Variants in TSBP1 observed in about 807,000 individuals in gnomAD.
TSBP1 encodes testis expressed basic protein 1, also known as testis-expressed basic protein 1.
A neutral mutation model predicts 68.8 loss-of-function variants in TSBP1; 56 were observed. That is an observed-to-expected ratio of 0.81 (90% CI 0.66 to 1.02). The LOEUF (loss-of-function observed/expected upper bound fraction) is 1.02. Ranked by LOEUF, TSBP1 falls within the 50% of genes least tolerant of loss-of-function variation. The pLI, the probability that TSBP1 is intolerant of heterozygous loss-of-function variation, is 0.00. For synonymous variants in TSBP1, 171 were observed against 208.7 expected, an observed-to-expected ratio of 0.82 and a Z score of 1.56; for missense variants, 502 against 641.2, an observed-to-expected ratio of 0.78 and a Z score of 2.34.
Position 32,336,071 on chromosome 6 carries a change from G to A in TSBP1, c.431-139C>T, listed in dbSNP as rs28361060. The A allele has an allele frequency of 0.16, 119,847 of 728,910 alleles. 11,990 individuals carry two copies. Among genetic ancestry groups the A allele is most frequent in the Admixed American group, 0.22 (9,562 of 43,726 alleles). 45.2% of individuals were successfully genotyped at this position (728,910 alleles called of 1,614,324 possible). A position where few individuals can be genotyped will look rare whatever the true frequency, so the allele number is the denominator to read the frequency against. On this transcript the variant is annotated intron_variant, in intron 12 of 22. Coordinates refer to ENST00000612031, the Ensembl canonical transcript of TSBP1. This position sits in a 1 kb window ranked among gnomAD's most constrained non-coding sequence, Gnocchi z 5.2. ...GAAGATCAAGAGTTGCTTGTATGGC[G>A]AGCCTCAGGCAGGCTCCCTGCACAA...
chr6:32,309,685 G>A (rs1381846794), intron 19 of TSBP1, among the ~76,000 whole-genome samples: 1 of 152,162 alleles, frequency 6.6e-6, no homozygotes, highest in Non-Finnish European at 1.5e-5. Context: ...GTAATAATGT[G>A]TAGTAATCAC....
chr6:32,306,645 A>G lies in TSBP1; in HGVS notation c.581-4016T>C, dbSNP rs149414760. ...GGAAGCCAGCAATGTAAAGCATATGAACTTAAGCCTTTATTTTAGGTTGCA... is the reference window on the plus strand; with the variant it reads ...GGAAGCCAGCAATGTAAAGCATATGGACTTAAGCCTTTATTTTAGGTTGCA... On this transcript the variant is annotated intron_variant, in intron 19 of 22. Transcript: ENST00000612031. The surrounding 1 kb of genome is among the most constrained non-coding windows in gnomAD (Gnocchi z 5.1). 3.3e-5 allele frequency among the ~76,000 whole-genome samples: 5 copies of G among 152,342 alleles called. No individual in the cohort carries two copies. The highest frequency in any genetic ancestry group is 1.2e-4 in the African/African-American group (5 of 41,582).
chr6:32,359,331 C>T (rs917452956), intron 6 of TSBP1, among the ~76,000 whole-genome samples: 8 of 152,026 alleles, frequency 5.3e-5, no homozygotes, highest in Admixed American at 3.9e-4. Flanking sequence ...TTTTAATGAT[C>T]GCCATTCTAA....
exon 1 of TSBP1, chr6:32,371,719 G>A: frequency 6.2e-7 from 1 of 1,613,780 alleles, no homozygotes; most frequent in Non-Finnish European, 8.5e-7. Context: ...TCCATGTATT[G>A]TCTTCATCAG....
At chr6:32,351,131 C>T (rs955031445) in intron 8 of TSBP1, among the ~76,000 whole-genome samples, 3 of 152,110 alleles carry the variant, frequency 2.0e-5, no homozygotes, top group African/African-American at 4.8e-5. Context: ...ACTAATACAA[C>T]GTGGTTGACT....
In TSBP1 at chr6:32,302,764, A is replaced by G. The variant is rs1282536248; in HGVS notation, c.581-135T>C. Reference sequence around the variant, plus strand: ...TTCTAGCAGAATACAATGAAATATGATGAGACAACAGATCCCTTAGTGTGT... The same window carrying G: ...TTCTAGCAGAATACAATGAAATATGGTGAGACAACAGATCCCTTAGTGTGT... On this transcript the variant is annotated intron_variant, in intron 19 of 22. Coordinates refer to ENST00000612031, the Ensembl canonical transcript of TSBP1. The surrounding 1 kb of genome is among the most constrained non-coding windows in gnomAD (Gnocchi z 5.1). 14 of 635,156 alleles carry G rather than the reference A, an allele frequency of 2.2e-5. No individual in the cohort carries two copies. Among genetic ancestry groups the G allele is most frequent in the Non-Finnish European group, 3.3e-5 (12 of 360,710 alleles). 39.3% of individuals were successfully genotyped at this position (635,156 alleles called of 1,614,324 possible). A position where few individuals can be genotyped will look rare whatever the true frequency, so the allele number is the denominator to read the frequency against.
intron 10 of TSBP1, 36 bp downstream of exon 11, chr6:32,339,564 A>C: frequency 8.7e-7 from 1 of 1,144,740 alleles, no homozygotes; most frequent in Non-Finnish European, 1.3e-6. Flanking sequence ...AGGTGTCAGT[A>C]AAAAAAGGAC....
intron 22 of TSBP1, among the ~76,000 whole-genome samples, chr6:32,294,459 CTTA>C (rs750794909): frequency 6.6e-6 from 1 of 152,148 alleles, no homozygotes; most frequent in Non-Finnish European, 1.5e-5. Flanking sequence ...AAAAGCATAT[CTTA>C]TTATGCAAAA....
intron 9 of TSBP1, among the ~76,000 whole-genome samples, chr6:32,345,843 A>C (rs778054429): frequency 4.1e-4 from 63 of 152,276 alleles, no homozygotes; most frequent in Admixed American, 7.8e-4. Context: ...TATGAGAATT[A>C]TCTCTCAAGA....
In TSBP1 at chr6:32,306,567, T is replaced by C. The variant is rs1489800731; in HGVS notation, c.581-3938A>G. Among the ~76,000 whole-genome samples, 9 of 152,326 alleles carry C rather than the reference T, an allele frequency of 5.9e-5. No homozygotes were observed. On this transcript the variant is annotated intron_variant, in intron 19 of 22. Transcript: ENST00000612031. The surrounding 1 kb of genome is among the most constrained non-coding windows in gnomAD (Gnocchi z 5.1). ...GCAGCCAAACCTGGGTTTGGTTACT[T>C]ACATTTATGTGTATCAATATTGTAA...
chr6:32,343,373 C>A lies in TSBP1; in HGVS notation c.350-3735G>T. ...TCAGGTTATTAGACTTTCCATTCCC[C>A]TGTAGGTAGGCTCATAAAGTGGCCA... On this transcript the variant is annotated intron_variant, in intron 9 of 22. Transcript: ENST00000612031. The surrounding 1 kb of genome is among the most constrained non-coding windows in gnomAD (Gnocchi z 4.3). 1.9e-6 allele frequency: 1 copy of A among 518,698 alleles called. No individual in the cohort carries two copies. Among genetic ancestry groups the A allele is most frequent in the Non-Finnish European group, 3.2e-6 (1 of 312,450 alleles). 32.1% of individuals were successfully genotyped at this position (518,698 alleles called of 1,614,324 possible).
chr6:32,358,034 AG>A (rs1367204433), intron 6 of TSBP1, among the ~76,000 whole-genome samples: 1 of 152,180 alleles, frequency 6.6e-6, no homozygotes, highest in Non-Finnish European at 1.5e-5. Flanking sequence ...TTGGACAGCC[AG>A]GGAGGGATTT....
intron 6 of TSBP1, among the ~76,000 whole-genome samples, chr6:32,358,934 A>ATTATTATTATTAT (rs1562181079): frequency 5.4e-5 from 7 of 130,734 alleles, no homozygotes; most frequent in South Asian, 2.6e-4. Context: ...TATTATTATT[A>ATTATTATTATTAT]TACTTTAAGT....
At chr6:32,301,709 T>TA (rs5875351) in intron 20 of TSBP1, among the ~76,000 whole-genome samples, 17 of 144,306 alleles carry the variant, frequency 1.2e-4, no homozygotes, top group South Asian at 2.2e-4. Flanking sequence ...AACGCTGTTT[T>TA]AAAAAAAAAA....
intron 22 of TSBP1, among the ~76,000 whole-genome samples, chr6:32,297,617 T>G (rs1764844437): frequency 6.6e-6 from 1 of 152,210 alleles, no homozygotes; most frequent in Admixed American, 6.5e-5. Flanking sequence ...AGGCTATGAA[T>G]TACATTTTAA....
At chr6:32,320,383 T>C (rs565204915) in intron 18 of TSBP1, among the ~76,000 whole-genome samples, 34 of 152,256 alleles carry the variant, frequency 2.2e-4, no homozygotes, top group African/African-American at 7.7e-4. Context: ...TTGGCTTCTG[T>C]GCATGGGGAG....
Position 32,336,722 on chromosome 6 carries a change from A to G in TSBP1, c.410-87T>C, listed in dbSNP as rs143556382. 0.015 allele frequency: 18,827 copies of G among 1,258,986 alleles called. 195 individuals carry two copies. Among genetic ancestry groups the G allele is most frequent in the Non-Finnish European group, 0.016 (13,851 of 867,878 alleles). 78.0% of individuals were successfully genotyped at this position (1,258,986 alleles called of 1,614,324 possible). ...TTGTTTCTAAAGAAACTATGAAGCAATTCAACCAGAGGAGAACAACTACTG... is the reference window on the plus strand; with the variant it reads ...TTGTTTCTAAAGAAACTATGAAGCAGTTCAACCAGAGGAGAACAACTACTG... On this transcript the variant is annotated intron_variant, in intron 11 of 22. Coordinates refer to ENST00000612031, the Ensembl canonical transcript of TSBP1. This position sits in a 1 kb window ranked among gnomAD's most constrained non-coding sequence, Gnocchi z 5.2.
chr6:32,355,231 C>A (rs921516033), intron 7 of TSBP1, 87 bp from the exon 8 acceptor site: 2 of 1,370,136 alleles, frequency 1.5e-6, no homozygotes, highest in Admixed American at 1.7e-5. Context: ...GCTGTCACCC[C>A]CTTCTCAGGA....
At chr6:32,313,834 A>G (rs1766670060) in intron 19 of TSBP1, among the ~76,000 whole-genome samples, 1 of 152,042 alleles carries the variant, frequency 6.6e-6, no homozygotes, top group Non-Finnish European at 1.5e-5. Flanking sequence ...CTAACTCTGG[A>G]CCTGTGTGGA....
Sources: gnomAD v4.1 joint callset for allele counts (sites outside exome capture counted in the v4.1 genomes callset) on GRCh38, gnomAD v4.1.1 for gene constraint, Gnocchi (gnomAD v3.1) non-coding constraint, MANE v1.5 for transcripts, NCBI Gene and HGNC (gene_info 2026-07-23, HGNC 2026-07-21) for gene names.